The following GRIK2 variants were observed in gnomAD, a reference collection of about 807,000 sequenced individuals.
GRIK2 encodes glutamate ionotropic receptor kainate type subunit 2.
Under a neutral mutation model 100.3 loss-of-function variants are expected in GRIK2, and 32 were observed. That is an observed-to-expected ratio of 0.32 (90% CI 0.24 to 0.43). The LOEUF (loss-of-function observed/expected upper bound fraction) is 0.43. Ranked by LOEUF, GRIK2 falls within the 20% of genes least tolerant of loss-of-function variation. The pLI is 1.00. For missense variants in GRIK2, 843 were observed against 1,114.9 expected (o/e 0.76, Z 3.47); for synonymous variants, 417 against 389.4 (o/e 1.07, Z -0.83).
At chr6:101,675,786 TTTTAA>T (rs1160926486) in intron 4 of GRIK2, among the ~76,000 whole-genome samples, 1 of 152,206 alleles carries the variant, frequency 6.6e-6, no homozygotes, top group Non-Finnish European at 1.5e-5. Flanking sequence ...TATATTTACT[TTTTAA>T]TTTAATGTTG....
intron 7 of GRIK2, among the ~76,000 whole-genome samples, chr6:101,705,821 C>A (rs1773246942): frequency 6.6e-6 from 1 of 151,778 alleles, no homozygotes; most frequent in African/African-American, 2.4e-5. Flanking sequence ...AAATGTTGAA[C>A]ATACAGTTCT....
At position 101,540,125 on chromosome 6, in the gene GRIK2, T is replaced by C. The variant is rs1215560306; in HGVS notation, c.116-81824T>C. 2.6e-5 allele frequency among the ~76,000 whole-genome samples: 4 copies of C among 151,860 alleles called. No homozygotes were observed. The East Asian group carries it at 7.7e-4, about 29-fold the overall frequency. ...ATTCAGAAATAGTTATTTTTCTCTG[T>C]GGTCAAAGCTGTGGTTTATGAAGAT... On this transcript the variant is annotated intron_variant, in intron 2 of 16. Coordinates refer to ENST00000369134, the MANE Select transcript of GRIK2 (RefSeq NM_021956.5).
chr6:101,445,150 A>G (rs962508501), intron 2 of GRIK2, among the ~76,000 whole-genome samples: 2 of 151,996 alleles, frequency 1.3e-5, no homozygotes, highest in Non-Finnish European at 1.5e-5. Flanking sequence ...TTTCCTCAAT[A>G]ACTTAAGGAC....
chr6:101,406,364 AAAATTCTTTTCTGG>A (rs555053056), intron 2 of GRIK2, among the ~76,000 whole-genome samples: 2 of 152,188 alleles, frequency 1.3e-5, no homozygotes, highest in Non-Finnish European at 2.9e-5. Flanking sequence ...CTAAAAACTG[AAAATTCTTTTCTGG>A]ATTTAGTAGA....
chr6:101,870,935 G>A (rs1785376173), intron 11 of GRIK2, among the ~76,000 whole-genome samples: 1 of 151,836 alleles, frequency 6.6e-6, no homozygotes, highest in Non-Finnish European at 1.5e-5. Context: ...AACAGGGTAA[G>A]ACACTTGGAC....
chr6:101,598,577 G>A (rs1779036387), intron 2 of GRIK2, among the ~76,000 whole-genome samples: 1 of 139,914 alleles, frequency 7.1e-6, no homozygotes. Context: ...CTTGCTCCAG[G>A]GCTCTCTTCC....
chr6:101,603,268 A>T (rs149411394), intron 2 of GRIK2, among the ~76,000 whole-genome samples: 2 of 151,732 alleles, frequency 1.3e-5, no homozygotes, highest in South Asian at 4.1e-4. Context: ...CAAAGGGGAT[A>T]TGTAGTTAAT....
intron 13 of GRIK2, 86 bp from the exon 14 acceptor site, chr6:101,928,328 GA>G: frequency 2.7e-6 from 2 of 743,142 alleles, no homozygotes; most frequent in South Asian, 3.0e-5. Flanking sequence ...ATTACACAGT[GA>G]TTCCATTCTG....
chr6:101,412,350 G>C (rs547789166), intron 2 of GRIK2, among the ~76,000 whole-genome samples: 1 of 151,824 alleles, frequency 6.6e-6, no homozygotes, highest in African/African-American at 2.4e-5. Flanking sequence ...TGCCTCCTCG[G>C]TGAAACACAT....
chr6:101,610,606 A>G (rs1474558276), intron 2 of GRIK2, among the ~76,000 whole-genome samples: 2 of 151,750 alleles, frequency 1.3e-5, no homozygotes, highest in Non-Finnish European at 1.5e-5. Flanking sequence ...TTCTTCCACA[A>G]TTTACTGTGC....
At position 101,874,891 on chromosome 6, in the gene GRIK2, C is replaced by G. The variant is rs140422076; in HGVS notation, c.1525-14749C>G. Among the ~76,000 whole-genome samples, 731 of 152,114 alleles carry G rather than the reference C, an allele frequency of 4.8e-3. 3 individuals carry two copies. Among genetic ancestry groups the G allele is most frequent in the Admixed American group, 7.5e-3 (115 of 15,250 alleles). ...ATGGGAGTTCACTCATGATTTGGCT[C>G]TCTGTTTGTCTGTTATTGGTGTATA... On this transcript the variant is annotated intron_variant, in intron 11 of 16. Coordinates refer to ENST00000369134, the MANE Select transcript of GRIK2 (RefSeq NM_021956.5).
chr6:101,600,624 G>T (rs1397679445), intron 2 of GRIK2, among the ~76,000 whole-genome samples: 2 of 151,624 alleles, frequency 1.3e-5, no homozygotes, highest in Non-Finnish European at 2.9e-5. Flanking sequence ...CACCCTGTTG[G>T]TTACATGTAG....
intron 7 of GRIK2, among the ~76,000 whole-genome samples, chr6:101,785,719 G>A (rs1237621095): frequency 1.3e-5 from 2 of 151,978 alleles, no homozygotes; most frequent in Non-Finnish European, 2.9e-5. Context: ...AGTTATTATA[G>A]CCTTGTAACA....
intron 8 of GRIK2, among the ~76,000 whole-genome samples, chr6:101,800,969 C>T (rs1780635176): frequency 6.6e-6 from 1 of 152,056 alleles, no homozygotes; most frequent in African/African-American, 2.4e-5. Context: ...TGAGGACCAA[C>T]AGGAGAAATT....
chr6:101,539,119 T>C (rs2128287678), intron 2 of GRIK2, among the ~76,000 whole-genome samples: 1 of 151,876 alleles, frequency 6.6e-6, no homozygotes, highest in East Asian at 1.9e-4. Context: ...TGTCACTTCA[T>C]ACCATTAGTT....
At chr6:101,754,986 G>A (rs1426399682) in intron 7 of GRIK2, among the ~76,000 whole-genome samples, 2 of 152,060 alleles carry the variant, frequency 1.3e-5, no homozygotes, top group Admixed American at 1.3e-4. Context: ...AGCGATGTAG[G>A]CACTCTTGAA....
intron 14 of GRIK2, among the ~76,000 whole-genome samples, chr6:101,937,147 C>T (rs1203854132): frequency 6.6e-6 from 1 of 152,114 alleles, no homozygotes; most frequent in African/African-American, 2.4e-5. Flanking sequence ...AAGTTGTATG[C>T]TTGACTGAAG....
intron 2 of GRIK2, among the ~76,000 whole-genome samples, chr6:101,457,316 CTT>C (rs1771061161): frequency 6.6e-6 from 1 of 152,078 alleles, no homozygotes; most frequent in African/African-American, 2.4e-5. Flanking sequence ...TTGCACCTCT[CTT>C]GAGGTCACTT....
intron 7 of GRIK2, among the ~76,000 whole-genome samples, chr6:101,760,575 T>G (rs1562364301): frequency 1.2e-5 from 1 of 82,356 alleles, no homozygotes; most frequent in Non-Finnish European, 1.9e-5. Flanking sequence ...TATATTTAAT[T>G]AATTATATAT....
Sources: allele counts gnomAD v4.1 joint callset (sites outside exome capture counted in the v4.1 genomes callset), GRCh38; gene constraint gnomAD v4.1.1; transcripts MANE v1.5; gene names NCBI Gene and HGNC (gene_info 2026-07-23, HGNC 2026-07-21).